Variants in LIMCH1 observed in about 807,000 individuals in gnomAD.
The protein encoded by LIMCH1 is LIM and calponin homology domains-containing protein 1.
A neutral mutation model predicts 176.5 loss-of-function variants in LIMCH1; 113 were observed. That is an observed-to-expected ratio of 0.64 (90% CI 0.55 to 0.75). LIMCH1 has a LOEUF of 0.75. LIMCH1 is among the 30% of genes least tolerant of loss of function. The pLI is 0.00. For synonymous variants in LIMCH1, 619 were observed against 645.9 expected, an observed-to-expected ratio of 0.96 and a Z score of 0.63; for missense variants, 1,674 against 1,814.9, an observed-to-expected ratio of 0.92 and a Z score of 1.41.
intron 1 of LIMCH1, among the ~76,000 whole-genome samples, chr4:41,450,178 ATAT>A (rs1225784892): frequency 1.3e-5 from 2 of 152,256 alleles, no homozygotes; most frequent in South Asian, 2.1e-4. Context: ...TTAAAGTTAT[ATAT>A]TATTAGGGAG....
At chr4:41,405,862 C>CA (rs2058905211) in intron 1 of LIMCH1, among the ~76,000 whole-genome samples, 1 of 152,038 alleles carries the variant, frequency 6.6e-6, no homozygotes. Flanking sequence ...AGGCTAAGAA[C>CA]AAAACTGTAA....
intron 2 of LIMCH1, among the ~76,000 whole-genome samples, chr4:41,602,786 G>A (rs991984362): frequency 3.9e-5 from 6 of 151,952 alleles, no homozygotes; most frequent in African/African-American, 9.7e-5. Context: ...CCAGCCGGGC[G>A]ACAGAGTGAG....
chr4:41,461,275 C>A (rs2065331846), intron 1 of LIMCH1, among the ~76,000 whole-genome samples: 1 of 152,170 alleles, frequency 6.6e-6, no homozygotes, highest in Admixed American at 6.5e-5. Flanking sequence ...TGCAGTCTGG[C>A]TGCAGAATCC....
intron 31 of LIMCH1, among the ~76,000 whole-genome samples, chr4:41,694,866 G>T (rs898710840): frequency 6.6e-6 from 1 of 151,900 alleles, no homozygotes; most frequent in Non-Finnish European, 1.5e-5. Flanking sequence ...ATGTATGAGA[G>T]ACCCCCTTTA....
intron 1 of LIMCH1, among the ~76,000 whole-genome samples, chr4:41,565,048 G>C (rs1377785125): frequency 6.6e-6 from 1 of 152,136 alleles, no homozygotes; most frequent in Non-Finnish European, 1.5e-5. Flanking sequence ...CTTTATAGCA[G>C]TGTGAGAACA....
intron 1 of LIMCH1, among the ~76,000 whole-genome samples, chr4:41,379,359 A>G (rs979023313): frequency 3.9e-5 from 6 of 152,186 alleles, no homozygotes; most frequent in Non-Finnish European, 8.8e-5. Flanking sequence ...TCCTTATAAC[A>G]TGGCAGCTGA....
chr4:41,463,984 C>T (rs1416693781), intron 1 of LIMCH1, among the ~76,000 whole-genome samples: 2 of 152,134 alleles, frequency 1.3e-5, no homozygotes, highest in Non-Finnish European at 2.9e-5. Context: ...TCACAAAGTG[C>T]TGGGATTACG....
intron 1 of LIMCH1, among the ~76,000 whole-genome samples, chr4:41,576,885 G>C (rs1219895171): frequency 6.6e-6 from 1 of 152,144 alleles, no homozygotes; most frequent in Non-Finnish European, 1.5e-5. Flanking sequence ...ATACATATAA[G>C]GAGATTCATA....
chr4:41,666,822 A>G (rs930849525), intron 21 of LIMCH1, among the ~76,000 whole-genome samples, 156 bp downstream of exon 21: 2 of 152,204 alleles, frequency 1.3e-5, no homozygotes, highest in African/African-American at 2.4e-5. Context: ...TGACTTCAGA[A>G]TGGAAAGCTG....
intron 1 of LIMCH1, among the ~76,000 whole-genome samples, chr4:41,557,345 A>G (rs983109625): frequency 8.5e-5 from 13 of 152,166 alleles, no homozygotes; most frequent in African/African-American, 3.1e-4. Context: ...AGGGAGCCTC[A>G]TGTACTAGTG....
intron 4 of LIMCH1, among the ~76,000 whole-genome samples, chr4:41,609,063 C>T (rs1366252323): frequency 1.3e-5 from 2 of 152,084 alleles, no homozygotes; most frequent in African/African-American, 4.8e-5. Flanking sequence ...ATTCCTGAAG[C>T]AGTCACTGTG....
At chr4:41,405,127 G>T (rs533802274) in intron 1 of LIMCH1, among the ~76,000 whole-genome samples, 2 of 151,930 alleles carry the variant, frequency 1.3e-5, no homozygotes, top group African/African-American at 4.8e-5. Flanking sequence ...TTTCTTTACC[G>T]TACTATCCAC....
chr4:41,507,982 T>C (rs1254171161), intron 2 of LIMCH1, among the ~76,000 whole-genome samples: 1 of 152,168 alleles, frequency 6.6e-6, no homozygotes, highest in Non-Finnish European at 1.5e-5. Context: ...ATTATTCTCT[T>C]CTACCAGGAA....
intron 1 of LIMCH1, among the ~76,000 whole-genome samples, chr4:41,404,265 A>G (rs1323793839): frequency 1.3e-5 from 2 of 152,040 alleles, no homozygotes; most frequent in African/African-American, 4.8e-5. Flanking sequence ...GACATGATTC[A>G]TGGGCCAAAG....
intron 15 of LIMCH1, among the ~76,000 whole-genome samples, chr4:41,644,867 G>A (rs2093995479): frequency 6.6e-6 from 1 of 152,186 alleles, no homozygotes; most frequent in Non-Finnish European, 1.5e-5. Flanking sequence ...CAAAAGAGGG[G>A]AGGGGAGGCA....
At chr4:41,437,800 T>G (rs2062245417) in intron 1 of LIMCH1, among the ~76,000 whole-genome samples, 1 of 152,208 alleles carries the variant, frequency 6.6e-6, no homozygotes, top group African/African-American at 2.4e-5. Context: ...TTTCTTTTGG[T>G]TTGTTTATGA....
intron 17 of LIMCH1, among the ~76,000 whole-genome samples, chr4:41,647,810 A>G (rs956254055): frequency 6.6e-6 from 1 of 152,202 alleles, no homozygotes; most frequent in African/African-American, 2.4e-5. Context: ...ATAACTCTGA[A>G]TGTATCTCAA....
At chr4:41,477,755 G>A (rs185053969) in intron 1 of LIMCH1, among the ~76,000 whole-genome samples, 215 of 152,198 alleles carry the variant, frequency 1.4e-3, no homozygotes, top group African/African-American at 5.0e-3. Context: ...GGGGCACTGC[G>A]GTCAGTCCCA....
chr4:41,452,618 A>G (rs763230872), intron 1 of LIMCH1, among the ~76,000 whole-genome samples: 1 of 152,134 alleles, frequency 6.6e-6, no homozygotes, highest in Non-Finnish European at 1.5e-5. Flanking sequence ...GCCAGTCTGT[A>G]GACTCTAAGA....
Sources: allele counts gnomAD v4.1 joint callset (sites outside exome capture counted in the v4.1 genomes callset), GRCh38; gene constraint gnomAD v4.1.1; transcripts MANE v1.5; gene names NCBI Gene and HGNC (gene_info 2026-07-23, HGNC 2026-07-21).